CPEB4: variants seen among roughly 807,000 people sequenced by gnomAD.
The protein encoded by CPEB4 is cytoplasmic polyadenylation element-binding protein 4.
A neutral mutation model predicts 72.5 loss-of-function variants in CPEB4; 12 were observed. The observed-to-expected ratio is 0.17, with a 90% confidence interval of 0.11 to 0.27. CPEB4 has a LOEUF of 0.27. Ranked by LOEUF, CPEB4 falls within the 10% of genes least tolerant of loss-of-function variation. The pLI is 1.00. For missense variants in CPEB4, 614 were observed against 908.5 expected (o/e 0.68, Z 4.17); for synonymous variants, 302 against 326.3 (o/e 0.93, Z 0.80).
In CPEB4 at chr5:173,959,153, G is replaced by A. The variant is rs1758468938; in HGVS notation, c.*3016G>A. The A allele has an allele frequency of 6.6e-6, 1 of 152,330 alleles. No individual in the cohort carries two copies. The highest frequency in any genetic ancestry group is 1.5e-5 in the Non-Finnish European group (1 of 67,854). 9.4% of individuals were successfully genotyped at this position (152,330 alleles called of 1,614,324 possible). A position where few individuals can be genotyped will look rare whatever the true frequency, so the allele number is the denominator to read the frequency against. On this transcript the variant is annotated 3_prime_UTR_variant, in exon 10 of 10. Coordinates refer to ENST00000265085, the MANE Select transcript of CPEB4 (RefSeq NM_030627.4). ...ATGTAATTAGTTTACAGATTGTAGG[G>A]CATCACTTCAATTCACCAAGCATGT...
At position 173,890,345 on chromosome 5, in the gene CPEB4, T is replaced by C; in HGVS notation, c.612T>C (p.Ala204=). The change falls in exon 1 of 10, where the codon GCT becomes GCC. Residue 204 remains alanine (A), a synonymous_variant. Transcript: ENST00000265085. ...CTGCTGCTTCGGCTAATAACGGTGC[T>C]CTGTTGTTTCAAAATTTCCCCCATC... ...GVPAASANNG[A]LLFQNFPHHV... 1.2e-6 allele frequency: 2 copies of C among 1,614,170 alleles called. No homozygotes were observed. The highest frequency in any genetic ancestry group is 1.3e-5 in the African/African-American group (1 of 75,036).
intron 1 of CPEB4, among the ~76,000 whole-genome samples, chr5:173,907,128 G>T (rs1331278871): frequency 2.0e-5 from 3 of 152,186 alleles, no homozygotes; most frequent in Admixed American, 6.5e-5. Flanking sequence ...TTAGTGGGGC[G>T]TGATGGCACG....
chr5:173,888,685 T>C lies in CPEB4; in HGVS notation c.-1049T>C. On this transcript the variant is annotated 5_prime_UTR_variant, in exon 1 of 10. Coordinates refer to ENST00000265085, the MANE Select transcript of CPEB4 (RefSeq NM_030627.4). The surrounding 1 kb of genome is among the most constrained non-coding windows in gnomAD (Gnocchi z 4.3). ...AATAACTACGGTAGTGGGTTTTTCC[T>C]TTTTTTCCTCTTTTTTCCCTCTCTG... 2.5e-6 allele frequency: 1 copy of C among 393,778 alleles called. No individual in the cohort carries two copies. The highest frequency in any genetic ancestry group is 3.6e-5 in the East Asian group (1 of 27,874). The allele number at this position is 393,778 out of a possible 1,614,324, so 24.4% of individuals were successfully genotyped here. A position where few individuals can be genotyped will look rare whatever the true frequency, so the allele number is the denominator to read the frequency against.
chr5:173,952,051 A>C, intron 8 of CPEB4, 113 bp downstream of exon 8: 1 of 708,606 alleles, frequency 1.4e-6, no homozygotes, highest in Admixed American at 2.2e-5. Flanking sequence ...AGAGTTCTAG[A>C]ATCAAAATAT....
rs55771761 is a variant in CPEB4, at chr5:173,956,603, C to CTTTTTTTTTTTTTTTTATTTTTTTT, written c.*482_*483insATTTTTTTTTTTTTTTTTTTTTTTT. 1 of 133,066 alleles carries CTTTTTTTTTTTTTTTTATTTTTTTT rather than the reference C, an allele frequency of 7.5e-6. No individual in the cohort carries two copies. The highest frequency in any genetic ancestry group is 7.7e-5 in the Admixed American group (1 of 12,992). The allele number at this position is 133,066 out of a possible 1,614,324, so 8.2% of individuals were successfully genotyped here. A position where few individuals can be genotyped will look rare whatever the true frequency, so the allele number is the denominator to read the frequency against. On this transcript the variant is annotated 3_prime_UTR_variant, in exon 10 of 10. Transcript: ENST00000265085. The stretch of plus-strand genomic sequence containing the variant: ...GGGAAGTGCTTTTGCCTTTTCCTTT[C>CTTTTTTTTTTTTTTTTATTTTTTTT]TTTTTTTTTTTTTTTTCATCTTTTT...
chr5:173,907,232 A>G (rs1169234409), intron 1 of CPEB4, among the ~76,000 whole-genome samples: 1 of 152,204 alleles, frequency 6.6e-6, no homozygotes, highest in Admixed American at 6.5e-5. Flanking sequence ...ACGCTACTGC[A>G]CTCCAGCCTG....
Position 173,889,592 on chromosome 5 carries a change from A to G in CPEB4, c.-142A>G, listed in dbSNP as rs1332717956. 2.9e-6 allele frequency: 2 copies of G among 683,960 alleles called. No homozygotes were observed. Among genetic ancestry groups the G allele is most frequent in the Non-Finnish European group, 5.0e-6 (2 of 402,696 alleles). 42.4% of individuals were successfully genotyped at this position (683,960 alleles called of 1,614,324 possible). Reference sequence around the variant, plus strand: ...CCAAATCAGAACAATTTAAGGTGATAAGCTGCGATCTTTGAGCTAGCTATA... The same window carrying G: ...CCAAATCAGAACAATTTAAGGTGATGAGCTGCGATCTTTGAGCTAGCTATA... On this transcript the variant is annotated 5_prime_UTR_variant, in exon 1 of 10. The change creates a new upstream start codon in the 5' untranslated region. Transcript: ENST00000265085.
At chr5:173,946,810 T>TA (rs1461521541) in intron 5 of CPEB4, among the ~76,000 whole-genome samples, 1 of 152,188 alleles carries the variant, frequency 6.6e-6, no homozygotes, top group African/African-American at 2.4e-5. Flanking sequence ...TATGAACCAG[T>TA]ACAACTTCCA....
rs1013804014 is a variant in CPEB4, at chr5:173,960,569, C to T, written c.*4432C>T. 6.6e-6 allele frequency: 1 copy of T among 152,176 alleles called. No individual in the cohort carries two copies. The highest frequency in any genetic ancestry group is 1.5e-5 in the Non-Finnish European group (1 of 68,070). The allele number at this position is 152,176 out of a possible 1,614,324, so 9.4% of individuals were successfully genotyped here. A position where few individuals can be genotyped will look rare whatever the true frequency, so the allele number is the denominator to read the frequency against. ...CCTGCAGAGTTCTTTTTATTTGTAG[C>T]CTTCAATATGTATACAGGGAGTAAG... On this transcript the variant is annotated 3_prime_UTR_variant, in exon 10 of 10. Transcript: ENST00000265085.
At position 173,890,494 on chromosome 5, in the gene CPEB4, C is replaced by A; in HGVS notation, c.761C>A (p.Ala254Asp). 1 of 1,611,748 alleles carries A rather than the reference C, an allele frequency of 6.2e-7. No individual in the cohort carries two copies. The highest frequency in any genetic ancestry group is 8.5e-7 in the Non-Finnish European group (1 of 1,178,850). Residue 254 changes from alanine (A) to aspartate (D), a missense_variant, in exon 1 of 10, where the codon GCC becomes GAC. Ala to Asp is a moderately radical substitution (Grantham distance 126). Around this residue, in one of 5 missense-constraint regions of CPEB4, gnomAD observed 458 missense variants for 548.6 expected, o/e 0.83. Transcript: ENST00000265085. ...SQHQQQRRSP[A>D]SPHPPPFTHR... is the part of the protein sequence containing the mutation. ...CATCAGCAGCAAAGGAGGTCTCCTG[C>A]CAGTCCCCATCCCCCACCCTTCACA...
intron 3 of CPEB4, among the ~76,000 whole-genome samples, chr5:173,932,822 C>T (rs1275649604): frequency 6.6e-6 from 1 of 152,042 alleles, no homozygotes; most frequent in South Asian, 2.1e-4. Flanking sequence ...GCCATTTCCA[C>T]GTGGCTGGAA....
intron 1 of CPEB4, among the ~76,000 whole-genome samples, chr5:173,910,093 A>G (rs1461201053): frequency 6.6e-6 from 1 of 150,982 alleles, no homozygotes; most frequent in Non-Finnish European, 1.5e-5. Flanking sequence ...ACTTTGCCTT[A>G]TAAGAAAATA....
rs1455449688 is a variant in CPEB4 at position 173,960,308 on chromosome 5, A to G, written c.*4171A>G. On this transcript the variant is annotated 3_prime_UTR_variant, in exon 10 of 10. Coordinates refer to ENST00000265085, the MANE Select transcript of CPEB4 (RefSeq NM_030627.4). The stretch of plus-strand genomic sequence containing the variant: ...GTTGAATGAATAAAACTTTTAACTC[A>G]GATTTCTTTTAATATACTTATTTCT... 3.3e-5 allele frequency: 5 copies of G among 152,642 alleles called. No individual in the cohort carries two copies. Among genetic ancestry groups the G allele is most frequent in the Non-Finnish European group, 7.3e-5 (5 of 68,030 alleles). 9.5% of individuals were successfully genotyped at this position (152,642 alleles called of 1,614,324 possible). A position where few individuals can be genotyped will look rare whatever the true frequency, so the allele number is the denominator to read the frequency against.
chr5:173,950,907 A>C lies in CPEB4; in HGVS notation c.1665+829A>C, dbSNP rs1256473195. 6.6e-5 allele frequency among the ~76,000 whole-genome samples: 10 copies of C among 152,210 alleles called. No individual in the cohort carries two copies. Among genetic ancestry groups the C allele is most frequent in the Non-Finnish European group, 1.2e-4 (8 of 68,040 alleles). On this transcript the variant is annotated intron_variant, in intron 7 of 9. Coordinates refer to ENST00000265085, the MANE Select transcript of CPEB4 (RefSeq NM_030627.4). This position sits in a 1 kb window ranked among gnomAD's most constrained non-coding sequence, Gnocchi z 5.0. ...GTCTTTAGGAAGAGGAGCAACTGGC[A>C]TGTTTTGATGACTCTGGCAAAGCAG... is the stretch of plus-strand genomic sequence containing the variant.
chr5:173,899,161 T>A (rs1756132704), intron 1 of CPEB4, among the ~76,000 whole-genome samples: 1 of 152,194 alleles, frequency 6.6e-6, no homozygotes, highest in African/African-American at 2.4e-5. Flanking sequence ...AAAATTTAAA[T>A]ATATTCCATG....
rs1225791091 is a variant in CPEB4 at position 173,960,788 on chromosome 5, T to G, written c.*4651T>G. On this transcript the variant is annotated 3_prime_UTR_variant, in exon 10 of 10. Transcript: ENST00000265085. ...GTCTCTTTTGACTTCCAATTCCCAGTTCCTCCATAGACCTTAATGTCATAG... is the reference window on the plus strand; with the variant it reads ...GTCTCTTTTGACTTCCAATTCCCAGGTCCTCCATAGACCTTAATGTCATAG... 2 of 152,226 alleles carry G rather than the reference T, an allele frequency of 1.3e-5. No homozygotes were observed. Among genetic ancestry groups the G allele is most frequent in the Admixed American group, 6.5e-5 (1 of 15,284 alleles). 9.4% of individuals were successfully genotyped at this position (152,226 alleles called of 1,614,324 possible). A position where few individuals can be genotyped will look rare whatever the true frequency, so the allele number is the denominator to read the frequency against.
chr5:173,916,498 C>T (rs1756874221), intron 2 of CPEB4, among the ~76,000 whole-genome samples: 1 of 152,156 alleles, frequency 6.6e-6, no homozygotes, highest in African/African-American at 2.4e-5. Context: ...TTTCATGCAT[C>T]GCTTTATTTT....
intron 1 of CPEB4, among the ~76,000 whole-genome samples, chr5:173,907,125 G>T (rs1365163211): frequency 6.6e-6 from 1 of 152,182 alleles, no homozygotes; most frequent in African/African-American, 2.4e-5. Context: ...AAATTAGTGG[G>T]GCGTGATGGC....
chr5:173,949,928 A>T, intron 6 of CPEB4, 32 bp from the exon 7 acceptor site: 1 of 1,435,446 alleles, frequency 7.0e-7, no homozygotes, highest in Non-Finnish European at 9.7e-7. Flanking sequence ...AAATAGGAAA[A>T]CATGTAAGCC....
Sources: allele counts gnomAD v4.1 joint callset (sites outside exome capture counted in the v4.1 genomes callset), GRCh38; gene constraint gnomAD v4.1.1; regional missense constraint gnomAD v4.1.1; non-coding constraint Gnocchi (gnomAD v3.1); transcripts MANE v1.5; gene names NCBI Gene and HGNC (gene_info 2026-07-23, HGNC 2026-07-21).